The following SYTL3 variants were observed in gnomAD, a reference collection of about 807,000 sequenced individuals.
The protein encoded by SYTL3 is synaptotagmin-like protein 3.
SYTL3 carries 88 observed loss-of-function variants against 82.1 expected under a neutral mutation model. The observed-to-expected ratio is 1.07, with a 90% confidence interval of 0.90 to 1.28. The LOEUF is 1.28. SYTL3 is among the 50% of genes most tolerant of loss of function. The pLI is 0.00. For missense variants in SYTL3, 831 were observed against 757.6 expected, an observed-to-expected ratio of 1.10 and a Z score of -1.14; for synonymous variants, 311 against 289.4, an observed-to-expected ratio of 1.07 and a Z score of -0.76.
At position 158,651,735 on chromosome 6, in the gene SYTL3, G is replaced by A. The variant is rs1325789729; in HGVS notation, c.-726-18G>A. ...TGATTCTAAAGTAATATTTTTTGTT[G>A]TTTTTGGGTGGTAAAAGGCTCCCCG... On this transcript the variant is annotated intron_variant, in intron 1 of 17. Coordinates refer to ENST00000611299, the MANE Select transcript of SYTL3 (RefSeq NM_001242394.2). 6.6e-6 allele frequency: 1 copy of A among 151,456 alleles called. No individual in the cohort carries two copies. Among genetic ancestry groups the A allele is most frequent in the Admixed American group, 6.6e-5 (1 of 15,214 alleles). The allele number at this position is 151,456 out of a possible 1,614,324, so 9.4% of individuals were successfully genotyped here. A position where few individuals can be genotyped will look rare whatever the true frequency, so the allele number is the denominator to read the frequency against.
At chr6:158,743,555 A>G (rs975361774) in intron 11 of SYTL3, among the ~76,000 whole-genome samples, 1 of 133,826 alleles carries the variant, frequency 7.5e-6, no homozygotes, top group Non-Finnish European at 1.5e-5. Context: ...TTCTATCTTC[A>G]CTTCTCATAC....
At chr6:158,645,309 A>G (rs1426486600), upstream of SYTL3, among the ~76,000 whole-genome samples, 1 of 152,172 alleles carries the variant, frequency 6.6e-6, no homozygotes, top group African/African-American at 2.4e-5. Context: ...AATGTGGCAC[A>G]CTTCCTGACT....
At position 158,725,553 on chromosome 6, in the gene SYTL3, A is replaced by G. The variant is rs1465832356; in HGVS notation, c.771A>G (p.Lys257=). The change falls in exon 11 of 18, where the codon AAA becomes AAG. Residue 257 remains lysine, a synonymous_variant. Coordinates refer to ENST00000611299, the MANE Select transcript of SYTL3 (RefSeq NM_001242394.2). ...ILKPLNQEDP[K]CSTNPILKQQ... is the part of the protein sequence containing the mutation. The stretch of plus-strand genomic sequence containing the variant: ...AACCTCTCAATCAAGAGGATCCCAA[A>G]TGCTCTACTAACCCTATTTTGAAGC... 1 of 1,613,986 alleles carries G rather than the reference A, an allele frequency of 6.2e-7. No homozygotes were observed. Among genetic ancestry groups the G allele is most frequent in the Non-Finnish European group, 8.5e-7 (1 of 1,180,000 alleles).
chr6:158,682,799 G>A lies in SYTL3; in HGVS notation c.330-126G>A. The stretch of plus-strand genomic sequence containing the variant: ...CTGTAAATTTAAGTGTTTAAGCCAG[G>A]AAATTGATTGCTGAGGTCCATTGCA... On this transcript the variant is annotated intron_variant, in intron 5 of 17. Transcript: ENST00000611299. The A allele has an allele frequency of 1.8e-5, 12 of 668,608 alleles. No homozygotes were observed. The South Asian group carries it at 2.3e-4, about 13-fold the overall frequency. 41.4% of individuals were successfully genotyped at this position (668,608 alleles called of 1,614,324 possible).
At chr6:158,671,431 G>A (rs1168513418) in intron 5 of SYTL3, among the ~76,000 whole-genome samples, 1 of 152,144 alleles carries the variant, frequency 6.6e-6, no homozygotes, top group Non-Finnish European at 1.5e-5. Flanking sequence ...CATTTTGCAT[G>A]GTAGCCAAGA....
At chr6:158,683,063 T>G in intron 6 of SYTL3, 74 bp downstream of exon 6, 2 of 1,147,566 alleles carry the variant, frequency 1.7e-6, no homozygotes, top group Admixed American at 1.9e-5. Flanking sequence ...GTTAAGACTT[T>G]GGAATATAAG....
At chr6:158,665,288 C>A in intron 4 of SYTL3, 107 bp from the exon 5 acceptor site, 1 of 1,038,382 alleles carries the variant, frequency 9.6e-7, no homozygotes, top group Non-Finnish European at 1.4e-6. Flanking sequence ...ATGTCGAATG[C>A]CAAAGCCCCT....
At chr6:158,654,498 G>C (rs1489783681) in intron 2 of SYTL3, among the ~76,000 whole-genome samples, 1 of 152,182 alleles carries the variant, frequency 6.6e-6, no homozygotes, top group East Asian at 1.9e-4. Context: ...CCCCATGGCT[G>C]CCCGCGTCCC....
intron 12 of SYTL3, among the ~76,000 whole-genome samples, chr6:158,750,349 T>G (rs1788242018): frequency 1.3e-5 from 2 of 152,130 alleles, no homozygotes; most frequent in Admixed American, 1.3e-4. Context: ...TTTCCTAAGC[T>G]GGGGGGCAGG....
intron 13 of SYTL3, among the ~76,000 whole-genome samples, chr6:158,755,241 G>GCTGA (rs1482894636): frequency 1.3e-5 from 2 of 152,194 alleles, no homozygotes; most frequent in Non-Finnish European, 2.9e-5. Context: ...TACTTGGGAA[G>GCTGA]CTGAGGTGGG....
At chr6:158,656,831 T>C (rs1391634275) in intron 2 of SYTL3, among the ~76,000 whole-genome samples, 1 of 152,180 alleles carries the variant, frequency 6.6e-6, no homozygotes, top group Non-Finnish European at 1.5e-5. Flanking sequence ...TGGAGAAATA[T>C]GCAGCGAATT....
chr6:158,716,181 G>A (rs577228055), intron 9 of SYTL3, among the ~76,000 whole-genome samples: 5 of 152,316 alleles, frequency 3.3e-5, no homozygotes, highest in African/African-American at 9.6e-5. Flanking sequence ...CCCTTAGAAA[G>A]GGGAAGAGGA....
chr6:158,655,664 G>A (rs1788585321), intron 2 of SYTL3, among the ~76,000 whole-genome samples: 1 of 152,190 alleles, frequency 6.6e-6, no homozygotes, highest in Non-Finnish European at 1.5e-5. Context: ...TTAGCTGAGT[G>A]TACTTATGAG....
intron 12 of SYTL3, among the ~76,000 whole-genome samples, chr6:158,746,201 C>T (rs780286278): frequency 3.0e-4 from 46 of 151,968 alleles, no homozygotes; most frequent in Non-Finnish European, 6.0e-4. Flanking sequence ...GAGACCCTAC[C>T]TCCTAATACC....
At chr6:158,675,421 CT>C (rs1023904571) in intron 5 of SYTL3, among the ~76,000 whole-genome samples, 1 of 152,084 alleles carries the variant, frequency 6.6e-6, no homozygotes, top group Non-Finnish European at 1.5e-5. Context: ...AATGATCAGT[CT>C]TTTTTTTCCT....
At chr6:158,719,908 G>A (rs942016960) in intron 10 of SYTL3, among the ~76,000 whole-genome samples, 5 of 152,096 alleles carry the variant, frequency 3.3e-5, no homozygotes, top group East Asian at 1.9e-4. Flanking sequence ...TGGGCAACAT[G>A]AGAAAACCCT....
chr6:158,761,598 A>T (rs10434825), intron 15 of SYTL3, among the ~76,000 whole-genome samples: 1 of 151,902 alleles, frequency 6.6e-6, no homozygotes, highest in Non-Finnish European at 1.5e-5. Context: ...GTGAGCCACC[A>T]CGCCCGGCCC....
chr6:158,650,529 T>G (rs1239766057), intron 1 of SYTL3, among the ~76,000 whole-genome samples: 1 of 152,184 alleles, frequency 6.6e-6, no homozygotes, highest in Non-Finnish European at 1.5e-5. Context: ...TTTGGAATTA[T>G]AAAAAAGTTA....
intron 11 of SYTL3, among the ~76,000 whole-genome samples, chr6:158,740,525 A>G (rs1289829805): frequency 2.0e-5 from 3 of 152,024 alleles, no homozygotes; most frequent in South Asian, 4.1e-4. Flanking sequence ...GTTTTTGGTC[A>G]CTTACTCTTG....
Sources: allele counts gnomAD v4.1 joint callset (sites outside exome capture counted in the v4.1 genomes callset), GRCh38; gene constraint gnomAD v4.1.1; transcripts MANE v1.5; gene names NCBI Gene and HGNC (gene_info 2026-07-23, HGNC 2026-07-21).